The following NBEAL1 variants were observed in gnomAD, a reference collection of about 807,000 sequenced individuals.
NBEAL1 encodes the protein neurobeachin like 1.
Under a neutral mutation model 351.3 loss-of-function variants are expected in NBEAL1, and 273 were observed. The observed-to-expected ratio is 0.78, with a 90% CI of 0.70 to 0.86. The LOEUF is 0.86. NBEAL1 is among the 40% of genes least tolerant of loss of function. The pLI is 0.00. For missense variants in NBEAL1, 2,961 were observed against 3,201.3 expected (o/e 0.92, Z 1.81); for synonymous variants, 1,050 against 1,086.4 (o/e 0.97, Z 0.66).
chr2:203,181,930 G>C (rs529300606), intron 43 of NBEAL1: 2 of 152,242 alleles, frequency 1.3e-5, no homozygotes, highest in South Asian at 4.2e-4. Flanking sequence ...AATTTATAAG[G>C]TACTCTTTAA....
At chr2:203,119,424 C>CTCTTTTTT (rs2062776172) in intron 18 of NBEAL1, among the ~76,000 whole-genome samples, 1 of 66,656 alleles carries the variant, frequency 1.5e-5, no homozygotes. Context: ...CGGCCTGTTG[C>CTCTTTTTT]TTTTTTTTTT....
chr2:203,195,601 T>C (rs1360145994), intron 47 of NBEAL1, among the ~76,000 whole-genome samples: 1 of 152,152 alleles, frequency 6.6e-6, no homozygotes, highest in Non-Finnish European at 1.5e-5. Context: ...ATGGCTAAGA[T>C]TTATTACAGT....
At chr2:203,048,483 G>A (rs905131077) in intron 3 of NBEAL1, among the ~76,000 whole-genome samples, 3 of 152,138 alleles carry the variant, frequency 2.0e-5, no homozygotes, top group Admixed American at 6.5e-5. Context: ...TTGATGGGGA[G>A]GGAGGGAGGT....
intron 38 of NBEAL1, among the ~76,000 whole-genome samples, chr2:203,168,160 T>C (rs1422183391): frequency 6.6e-6 from 1 of 152,204 alleles, no homozygotes; most frequent in Non-Finnish European, 1.5e-5. Context: ...AAAGCATGTG[T>C]TTTATGGAAA....
chr2:203,161,112 G>A (rs1286426621), intron 36 of NBEAL1, among the ~76,000 whole-genome samples: 3 of 152,078 alleles, frequency 2.0e-5, no homozygotes, highest in Non-Finnish European at 4.4e-5. Context: ...TGGATCACGA[G>A]GTCAAGAGAT....
At chr2:203,084,435 A>C in intron 9 of NBEAL1, 28 bp from the exon 10 acceptor site, 1 of 1,235,638 alleles carries the variant, frequency 8.1e-7, no homozygotes, top group Non-Finnish European at 1.1e-6. Flanking sequence ...TCATTTTTAC[A>C]TGGATGATTT....
intron 41 of NBEAL1, among the ~76,000 whole-genome samples, chr2:203,174,884 A>G: frequency 6.6e-6 from 1 of 151,244 alleles, no homozygotes; most frequent in Non-Finnish European, 1.5e-5. Context: ...TAAATAAATA[A>G]ATAAATAAAT....
chr2:203,085,114 T>A (rs977304443), intron 10 of NBEAL1: 2 of 153,286 alleles, frequency 1.3e-5, no homozygotes, highest in Non-Finnish European at 2.9e-5. Flanking sequence ...TAGCTTTTTT[T>A]TTGAGATGGA....
intron 4 of NBEAL1, among the ~76,000 whole-genome samples, chr2:203,055,422 G>A (rs1162640204): frequency 1.3e-5 from 2 of 152,060 alleles, no homozygotes; most frequent in African/African-American, 2.4e-5. Context: ...GGGCAACAAA[G>A]TGAGACCCTC....
chr2:203,116,627 C>CAAAAAAAAA, intron 18 of NBEAL1, among the ~76,000 whole-genome samples: 1 of 136,918 alleles, frequency 7.3e-6, no homozygotes, highest in Non-Finnish European at 1.6e-5. Context: ...TGAAAAATGC[C>CAAAAAAAAA]AAAAAAAAAA....
chr2:203,114,786 T>C (rs1231053986), intron 17 of NBEAL1, among the ~76,000 whole-genome samples: 1 of 152,156 alleles, frequency 6.6e-6, no homozygotes, highest in Non-Finnish European at 1.5e-5. Context: ...AGAGCCTTGC[T>C]CTGTTGCCCA....
intron 40 of NBEAL1, 101 bp downstream of exon 40, chr2:203,172,124 A>G: frequency 1.9e-6 from 1 of 535,682 alleles, no homozygotes; most frequent in East Asian, 3.5e-5. Context: ...AAAATATAAA[A>G]ACACTTTGGC....
At chr2:203,101,986 C>T (rs891081887) in intron 12 of NBEAL1, among the ~76,000 whole-genome samples, 6 of 152,194 alleles carry the variant, frequency 3.9e-5, no homozygotes, top group Admixed American at 2.6e-4. Flanking sequence ...GGATTTCTTT[C>T]AGCAGTGTTT....
At chr2:203,185,174 C>T (rs1049121976) in intron 44 of NBEAL1, among the ~76,000 whole-genome samples, 2 of 152,134 alleles carry the variant, frequency 1.3e-5, no homozygotes, top group Non-Finnish European at 2.9e-5. Flanking sequence ...TTCAGAGTGT[C>T]TTTGTCATAG....
chr2:203,038,493 G>A lies in NBEAL1; in HGVS notation c.52-3272G>A, dbSNP rs1238957867. Reference sequence around the variant, plus strand: ...AGATTAGGATGCTGTTTGGCCGTTTGTATATTCCCTTTTGTGAAGTGTCCA... The same window carrying A: ...AGATTAGGATGCTGTTTGGCCGTTTATATATTCCCTTTTGTGAAGTGTCCA... On this transcript the variant is annotated intron_variant, in intron 2 of 55. Transcript: ENST00000683969. 3.4e-5 allele frequency among the ~76,000 whole-genome samples: 5 copies of A among 149,026 alleles called. 1 individual carries two copies. The highest frequency in any genetic ancestry group is 6.0e-5 in the Non-Finnish European group (4 of 66,500).
chr2:203,125,133 TA>T (rs2062909733), intron 19 of NBEAL1, among the ~76,000 whole-genome samples: 1 of 152,058 alleles, frequency 6.6e-6, no homozygotes, highest in Admixed American at 6.6e-5. Context: ...GAAGATGGAG[TA>T]AAAATGGTCT....
chr2:203,066,136 A>T (rs951812721), intron 6 of NBEAL1, among the ~76,000 whole-genome samples: 3 of 152,212 alleles, frequency 2.0e-5, no homozygotes, highest in Admixed American at 2.0e-4. Context: ...CTTTAGAATG[A>T]GTCATTGATC....
At chr2:203,024,879 A>AATAC (rs1044076738) in intron 2 of NBEAL1, among the ~76,000 whole-genome samples, 47 of 152,178 alleles carry the variant, frequency 3.1e-4, no homozygotes, top group African/African-American at 6.3e-4. Context: ...TAAATAAATA[A>AATAC]ATACATACAT....
chr2:203,127,874 T>C lies in NBEAL1; in HGVS notation c.3342T>C (p.Gly1114=), dbSNP rs2062978811. The change falls in exon 24 of 56, where the codon GGT becomes GGC. Residue 1114 remains glycine (G), a synonymous_variant. Coordinates refer to ENST00000683969, the MANE Select transcript of NBEAL1 (RefSeq NM_001378026.1). Reference sequence around the variant, plus strand: ...TAATTAAATATTTTCTGTGCAAAGGTGGATCTCATGAAGAGATACAAAGTA... The same window carrying C: ...TAATTAAATATTTTCTGTGCAAAGGCGGATCTCATGAAGAGATACAAAGTA... The part of the protein sequence containing the change: ...YGLIKYFLCK[G]GSHEEIQSIM... 3.2e-6 allele frequency: 5 copies of C among 1,552,508 alleles called. No individual in the cohort carries two copies. The highest frequency in any genetic ancestry group is 4.4e-6 in the Non-Finnish European group (5 of 1,145,908).
Sources: gnomAD v4.1 joint callset for allele counts (sites outside exome capture counted in the v4.1 genomes callset) on GRCh38, gnomAD v4.1.1 for gene constraint, MANE v1.5 for transcripts, NCBI Gene and HGNC (gene_info 2026-07-23, HGNC 2026-07-21) for gene names.